The following ADGRV1 variants were observed in gnomAD, a reference collection of about 807,000 sequenced individuals.
ADGRV1 encodes the protein G-protein coupled receptor 98.
ADGRV1 carries 359 observed loss-of-function variants against 596.2 expected under a neutral mutation model. The ratio of observed to expected loss-of-function variants is 0.60; its 90% CI spans 0.55 to 0.66. ADGRV1 has a LOEUF of 0.66. Among genes scored for constraint, ADGRV1 ranks in the 30% least tolerant of loss-of-function variants. The probability of loss-of-function intolerance (pLI) is 0.00; values close to 1 mark genes in which losing one functional copy is unlikely to be tolerated. For synonymous variants in ADGRV1, 2,681 were observed against 2,679.2 expected (o/e 1.00, Z -0.02); for missense variants, 7,274 against 7,575.6 (o/e 0.96, Z 1.48).
At position 90,685,903 on chromosome 5, in the gene ADGRV1, A is replaced by G; in HGVS notation, c.6398A>G (p.His2133Arg). Residue 2133 changes from histidine to arginine, a missense_variant, in exon 29 of 90, where the codon CAT (histidine) becomes CGT (arginine). By Grantham distance (29) the His-to-Arg change is conservative (BLOSUM62 0). Around this residue, in one of 5 missense-constraint regions of ADGRV1, gnomAD observed 3,643 missense variants for 3,809.2 expected, o/e 0.96. Transcript: ENST00000405460. ...SAPIVRVAEN[H>R]VGPIINVTRT... ...CCAATTGTCCGAGTGGCAGAAAATC[A>G]TGTTGGACCCATTATCAATGTGACT... 1.2e-6 allele frequency: 2 copies of G among 1,611,906 alleles called. No individual in the cohort carries two copies. Among genetic ancestry groups the G allele is most frequent in the Non-Finnish European group, 1.7e-6 (2 of 1,178,552 alleles).
At chr5:90,590,805 A>T (rs1759391654) in intron 1 of ADGRV1, among the ~76,000 whole-genome samples, 1 of 152,212 alleles carries the variant, frequency 6.6e-6, no homozygotes, top group South Asian at 2.1e-4. Context: ...CATATCTGTC[A>T]TGTTATATAT....
intron 89 of ADGRV1, among the ~76,000 whole-genome samples, chr5:91,159,406 G>T (rs999169612): frequency 4.6e-5 from 7 of 152,118 alleles, no homozygotes; most frequent in African/African-American, 1.4e-4. Context: ...TTAAAGGCAA[G>T]TATATTAAAA....
At chr5:91,014,768 A>T (rs1783040894) in intron 85 of ADGRV1, among the ~76,000 whole-genome samples, 1 of 151,764 alleles carries the variant, frequency 6.6e-6, no homozygotes, top group African/African-American at 2.4e-5. Context: ...AATTGTGTTT[A>T]TTTGGATCTT....
At chr5:90,798,384 G>T (rs987786291) in intron 70 of ADGRV1, among the ~76,000 whole-genome samples, 1 of 152,102 alleles carries the variant, frequency 6.6e-6, no homozygotes, top group South Asian at 2.1e-4. Flanking sequence ...GGAAGAAGTC[G>T]AATCCCTGAA....
Position 90,588,304 on chromosome 5 carries a change from G to C in ADGRV1, c.23-26531G>C, listed in dbSNP as rs1303842337. Reference sequence around the variant, plus strand: ...TTCTCTGAATATACTTTCTTATATAGGTTTAACTTTGGATTCATATAAATG... The same window carrying C: ...TTCTCTGAATATACTTTCTTATATACGTTTAACTTTGGATTCATATAAATG... On this transcript the variant is annotated intron_variant, in intron 1 of 89. Transcript: ENST00000405460. Among the ~76,000 whole-genome samples the C allele has an allele frequency of 2.0e-5, 3 of 152,148 alleles. No individual in the cohort carries two copies. The East Asian group carries it at 5.8e-4, about 29-fold the overall frequency.
In ADGRV1 at chr5:91,072,779, C is replaced by T. The variant is rs9293558; in HGVS notation, c.18310+175C>T. Among the ~76,000 whole-genome samples the T allele has an allele frequency of 0.79, 120,216 of 152,062 alleles. 47,631 individuals carry two copies. The highest frequency in any genetic ancestry group is 0.82 in the South Asian group (3,958 of 4,822). ...TGCTTCTTGGTACCTCTGATGTCTC[C>T]CTTTCTTCAGGGCTCTGTAGGTTTT... On this transcript the variant is annotated intron_variant, in intron 86 of 89. Transcript: ENST00000405460.
rs532505263 is a variant in ADGRV1 at position 90,807,875 on chromosome 5, C to T, written c.14972+138C>T. 1.2e-4 allele frequency: 89 copies of T among 731,922 alleles called. No homozygotes were observed. In the African/African-American group the frequency reaches 1.4e-3, roughly 12 times the overall value. 45.3% of individuals were successfully genotyped at this position (731,922 alleles called of 1,614,324 possible). ...AGTTTTAGTGTAGAGCATCACGTGG[C>T]GTGCATGCTGGAGAGGGAGGTGGCT... On this transcript the variant is annotated intron_variant, in intron 73 of 89. Transcript: ENST00000405460.
rs1269138995 is a variant in ADGRV1 at position 90,805,343 on chromosome 5, T to C, written c.14721T>C (p.Val4907=). ...ACATCACTGCTGGCACAAGCCACGT[T>C]ATGATTTCTAGGAGAGGCACATATG... ...LMNITAGTSH[V]MISRRGTYGA... is the part of the protein sequence containing the mutation. The change falls in exon 72 of 90, where the codon GTT becomes GTC. Residue 4907 remains valine, a synonymous_variant. Transcript: ENST00000405460. 3 of 1,612,950 alleles carry C rather than the reference T, an allele frequency of 1.9e-6. No homozygotes were observed. The African/African-American group carries it at 4.0e-5, about 22-fold the overall frequency.
intron 4 of ADGRV1, among the ~76,000 whole-genome samples, 181 bp from the exon 5 acceptor site, chr5:90,622,415 CT>C (rs1764208592): frequency 6.6e-6 from 1 of 152,102 alleles, no homozygotes; most frequent in Non-Finnish European, 1.5e-5. Flanking sequence ...TTACACTATT[CT>C]TTTTAACTTT....
intron 83 of ADGRV1, among the ~76,000 whole-genome samples, chr5:90,919,919 A>G (rs947042297): frequency 1.1e-4 from 16 of 148,102 alleles, no homozygotes; most frequent in Non-Finnish European, 1.9e-4. Context: ...GCTTGGACCC[A>G]GGAGGTGGAG....
intron 86 of ADGRV1, among the ~76,000 whole-genome samples, chr5:91,075,959 T>C (rs6874106): frequency 0.17 from 26,106 of 152,092 alleles, 3,141 homozygotes; most frequent in African/African-American, 0.35. Context: ...CATCTTTGCT[T>C]ATGTAAAGAA....
chr5:91,113,610 C>T (rs1582097542), intron 87 of ADGRV1, among the ~76,000 whole-genome samples: 1 of 152,092 alleles, frequency 6.6e-6, no homozygotes, highest in Non-Finnish European at 1.5e-5. Flanking sequence ...TAAATCCTAG[C>T]ATATTGTATG....
Position 90,725,239 on chromosome 5 carries a change from A to G in ADGRV1, c.10053+7A>G. 10 of 1,370,976 alleles carry G rather than the reference A, an allele frequency of 7.3e-6. No homozygotes were observed. The highest frequency in any genetic ancestry group is 9.8e-6 in the Non-Finnish European group (10 of 1,021,952). The allele number at this position is 1,370,976 out of a possible 1,614,324, so 84.9% of individuals were successfully genotyped here. ...TGGATTTAAATTATTCCTGGTAAAAACATTTTCATTTTTAAATAGATTACT... is the reference window on the plus strand; with the variant it reads ...TGGATTTAAATTATTCCTGGTAAAAGCATTTTCATTTTTAAATAGATTACT... On this transcript the variant is annotated splice_region_variant and intron_variant, in intron 47 of 89. Coordinates refer to ENST00000405460, the MANE Select transcript of ADGRV1 (RefSeq NM_032119.4).
In ADGRV1 at chr5:91,163,874, A is replaced by T. The variant is rs760359760; in HGVS notation, c.18895A>T (p.Ile6299Leu). ...TDSQIVELRR[I>L]PIADTHL ...CTCCCAGATCGTGGAGCTCAGGAGG[A>T]TACCCATCGCCGACACTCACCTGTA... Residue 6299 changes from isoleucine to leucine, a missense_variant, in exon 90 of 90, where the codon ATA becomes TTA. Around this residue, in one of 5 missense-constraint regions of ADGRV1, gnomAD observed 1,874 missense variants for 1,970.2 expected, o/e 0.95. Transcript: ENST00000405460. The T allele has an allele frequency of 1.3e-6, 2 of 1,592,908 alleles. No homozygotes were observed. Among genetic ancestry groups the T allele is most frequent in the East Asian group, 4.5e-5 (2 of 44,700 alleles).
At chr5:90,646,694 G>A (rs996176913) in intron 16 of ADGRV1, among the ~76,000 whole-genome samples, 2 of 151,286 alleles carry the variant, frequency 1.3e-5, no homozygotes, top group East Asian at 3.9e-4. Flanking sequence ...GCTATATATG[G>A]GTTAATTTAC....
chr5:91,089,480 T>C (rs1467497948), intron 86 of ADGRV1, among the ~76,000 whole-genome samples: 1 of 152,092 alleles, frequency 6.6e-6, no homozygotes, highest in African/African-American at 2.4e-5. Flanking sequence ...TGTGTGATGG[T>C]TAGAGAACCA....
chr5:90,778,243 A>G (rs746288301), intron 62 of ADGRV1, among the ~76,000 whole-genome samples, 184 bp from the exon 63 acceptor site: 11 of 151,344 alleles, frequency 7.3e-5, no homozygotes, highest in African/African-American at 2.2e-4. Context: ...ACGGTTGACA[A>G]TGGAGATTGG....
At chr5:90,797,964 C>A (rs1297673561) in intron 70 of ADGRV1, among the ~76,000 whole-genome samples, 1 of 152,056 alleles carries the variant, frequency 6.6e-6, no homozygotes, top group East Asian at 1.9e-4. Flanking sequence ...TAAATGCCCA[C>A]AAGAGAAAGC....
chr5:90,954,096 A>G (rs1777270066), intron 83 of ADGRV1, among the ~76,000 whole-genome samples: 1 of 151,984 alleles, frequency 6.6e-6, no homozygotes, highest in Non-Finnish European at 1.5e-5. Context: ...TTTTAATGAT[A>G]ACAAAATATA....
Sources: gnomAD v4.1 joint callset for allele counts (sites outside exome capture counted in the v4.1 genomes callset) on GRCh38, gnomAD v4.1.1 for gene constraint, gnomAD v4.1.1 regional missense constraint, MANE v1.5 for transcripts, NCBI Gene and HGNC (gene_info 2026-07-23, HGNC 2026-07-21) for gene names.